The following KIZ variants were observed in gnomAD, a reference collection of about 807,000 sequenced individuals.
KIZ encodes centrosomal protein kizuna.
In KIZ, 68 loss-of-function variants were observed where a neutral mutation model predicts 79.6. That is an observed-to-expected ratio of 0.85 (90% CI 0.70 to 1.05). The LOEUF (loss-of-function observed/expected upper bound fraction) is 1.05, where lower values mean the gene tolerates loss of function less well. Ranked by LOEUF, KIZ falls within the 50% of genes least tolerant of loss-of-function variation. The pLI is 0.00. For missense variants in KIZ, 797 were observed against 800.4 expected (o/e 1.00, Z 0.05); for synonymous variants, 280 against 281.8 (o/e 0.99, Z 0.06).
intron 3 of KIZ, among the ~76,000 whole-genome samples, chr20:21,140,013 A>G (rs1233932744): frequency 6.6e-6 from 1 of 152,208 alleles, no homozygotes; most frequent in Non-Finnish European, 1.5e-5. Flanking sequence ...TTGTGTGCCT[A>G]CGAACCCAGA....
chr20:21,223,722 T>G (rs1172708760), intron 9 of KIZ, among the ~76,000 whole-genome samples: 1 of 146,694 alleles, frequency 6.8e-6, no homozygotes, highest in Non-Finnish European at 1.5e-5. Flanking sequence ...CAGGCTGGAG[T>G]GCAGTGATGT....
chr20:21,209,192 C>T (rs1326748658), intron 7 of KIZ, among the ~76,000 whole-genome samples: 1 of 152,186 alleles, frequency 6.6e-6, no homozygotes, highest in Admixed American at 6.5e-5. Flanking sequence ...GCCGCAGAAA[C>T]TCAGATTATG....
At chr20:21,176,680 A>G (rs2034450043) in intron 6 of KIZ, among the ~76,000 whole-genome samples, 1 of 152,176 alleles carries the variant, frequency 6.6e-6, no homozygotes, top group Non-Finnish European at 1.5e-5. Context: ...ACTGATTAAT[A>G]TGCTAGGGCT....
At chr20:21,151,967 A>G (rs2033143430) in intron 4 of KIZ, 1 of 152,236 alleles carries the variant, frequency 6.6e-6, no homozygotes, top group African/African-American at 2.4e-5. Flanking sequence ...GAGCACCCTC[A>G]TGATCAAGTA....
intron 5 of KIZ, 28 bp downstream of exon 5, chr20:21,162,535 T>C (rs773344350): frequency 6.4e-7 from 1 of 1,573,834 alleles, no homozygotes; most frequent in Non-Finnish European, 8.6e-7. Flanking sequence ...GTTTGGTTGC[T>C]GATTTTTCTG....
chr20:21,139,616 A>G (rs1893969090), intron 3 of KIZ, among the ~76,000 whole-genome samples: 1 of 152,214 alleles, frequency 6.6e-6, no homozygotes, highest in Non-Finnish European at 1.5e-5. Context: ...GCTTCATTTA[A>G]TAGTTGATTT....
intron 8 of KIZ, among the ~76,000 whole-genome samples, chr20:21,215,130 A>T (rs996647927): frequency 1.3e-5 from 2 of 152,260 alleles, no homozygotes; most frequent in Non-Finnish European, 2.9e-5. Context: ...GTTGATTAAG[A>T]ATCAATGAAT....
At chr20:21,225,710 T>C (rs1218611126) in intron 9 of KIZ, among the ~76,000 whole-genome samples, 1 of 152,174 alleles carries the variant, frequency 6.6e-6, no homozygotes, top group Non-Finnish European at 1.5e-5. Context: ...TTCTTCCTTC[T>C]AAAAAAATCC....
At chr20:21,223,330 G>A (rs1190543917) in intron 9 of KIZ, among the ~76,000 whole-genome samples, 1 of 152,176 alleles carries the variant, frequency 6.6e-6, no homozygotes, top group Non-Finnish European at 1.5e-5. Flanking sequence ...AGGTTTAATT[G>A]TTGAGTTGCC....
chr20:21,132,596 TAC>T (rs1405122436), intron 2 of KIZ, among the ~76,000 whole-genome samples: 1 of 151,288 alleles, frequency 6.6e-6, no homozygotes, highest in East Asian at 1.9e-4. Context: ...GGAGTACTCT[TAC>T]CATTCTCTTA....
chr20:21,242,946 C>G (rs897307568), intron 11 of KIZ, among the ~76,000 whole-genome samples: 2 of 152,158 alleles, frequency 1.3e-5, no homozygotes, highest in African/African-American at 4.8e-5. Flanking sequence ...TCCACCCCTC[C>G]TAGCATTTTT....
chr20:21,194,053 G>A (rs573919512), intron 6 of KIZ: 27 of 152,222 alleles, frequency 1.8e-4, no homozygotes, highest in African/African-American at 6.5e-4. Flanking sequence ...CTTAATTTCA[G>A]TGTTCCCAAT....
chr20:21,226,600 G>A (rs562674419), intron 9 of KIZ, among the ~76,000 whole-genome samples: 12 of 152,308 alleles, frequency 7.9e-5, no homozygotes, highest in Admixed American at 3.3e-4. Flanking sequence ...AGTGCTAGGC[G>A]CTCTGCCCTC....
chr20:21,133,780 C>A (rs148300775), intron 2 of KIZ, among the ~76,000 whole-genome samples: 6 of 152,126 alleles, frequency 3.9e-5, no homozygotes, highest in Admixed American at 1.3e-4. Flanking sequence ...CTGGGCTGAC[C>A]GAAATAAGAG....
chr20:21,142,520 C>G (rs1221046771), intron 3 of KIZ, among the ~76,000 whole-genome samples: 1 of 152,062 alleles, frequency 6.6e-6, no homozygotes, highest in Non-Finnish European at 1.5e-5. Context: ...ATTATACCTT[C>G]CCAGTTAGCA....
chr20:21,126,180 A>T lies in KIZ; in HGVS notation c.65A>T (p.Gln22Leu), dbSNP rs913715921. Residue 22 changes from glutamine to leucine, a missense_variant, in exon 1 of 13, where the codon CAA becomes CTA. Gln to Leu is a moderately radical substitution (Grantham distance 113). Transcript: ENST00000619189. ...CCCGACTACTACGAGAGGCTGGGCCAACTCCAGCACGGGCTGCGGGACAGG... is the reference window on the plus strand; with the variant it reads ...CCCGACTACTACGAGAGGCTGGGCCTACTCCAGCACGGGCTGCGGGACAGG... ...SSPDYYERLG[Q>L]LQHGLRDSEK... 6.7e-7 allele frequency: 1 copy of T among 1,497,472 alleles called. No individual in the cohort carries two copies. 92.8% of individuals were successfully genotyped at this position (1,497,472 alleles called of 1,614,324 possible).
chr20:21,173,572 C>T (rs541266299), intron 6 of KIZ, among the ~76,000 whole-genome samples: 15 of 99,070 alleles, frequency 1.5e-4, no homozygotes, highest in Admixed American at 1.0e-3. Flanking sequence ...AGGGAGATGC[C>T]GTCTCAAAAA....
intron 6 of KIZ, among the ~76,000 whole-genome samples, chr20:21,168,698 G>A (rs2034068622): frequency 6.6e-6 from 1 of 152,176 alleles, no homozygotes; most frequent in Admixed American, 6.5e-5. Flanking sequence ...CAAGGCTACA[G>A]TAACCAAAAC....
At chr20:21,237,049 C>G (rs1295969903) in intron 11 of KIZ, among the ~76,000 whole-genome samples, 1 of 151,428 alleles carries the variant, frequency 6.6e-6, no homozygotes, top group Non-Finnish European at 1.5e-5. Flanking sequence ...CACCTGTAAT[C>G]CCAGTACTTT....
Sources: allele counts gnomAD v4.1 joint callset (sites outside exome capture counted in the v4.1 genomes callset), GRCh38; gene constraint gnomAD v4.1.1; transcripts MANE v1.5; gene names NCBI Gene and HGNC (gene_info 2026-07-23, HGNC 2026-07-21).